CLIP1: variants seen among roughly 807,000 people sequenced by gnomAD.
The protein encoded by CLIP1 is CAP-Gly domain-containing linker protein 1.
In CLIP1, 66 loss-of-function variants were observed where a neutral mutation model predicts 161.6. The ratio of observed to expected loss-of-function variants is 0.41; its 90% CI spans 0.33 to 0.50. CLIP1 has a LOEUF of 0.50. CLIP1 is among the 20% of genes least tolerant of loss of function. The pLI is 0.27. For synonymous variants in CLIP1, 598 were observed against 626.2 expected (o/e 0.96, Z 0.67); for missense variants, 1,376 against 1,702.0 (o/e 0.81, Z 3.37).
chr12:122,389,648 AC>A (rs1463398286), intron 1 of CLIP1, among the ~76,000 whole-genome samples: 1 of 147,328 alleles, frequency 6.8e-6, no homozygotes. Context: ...AGGCCCAGCT[AC>A]TTAGGAGGCT....
In CLIP1 at chr12:122,422,646, C is replaced by T. The variant is rs1956998412; in HGVS notation, c.-232G>A. The stretch of plus-strand genomic sequence containing the variant: ...GGAGAGCGTGACGCGCCGCCGCCGC[C>T]GCGGGGCCGGGCGGGCGCGCGCTGC... On this transcript the variant is annotated 5_prime_UTR_variant, in exon 1 of 26. Coordinates refer to ENST00000620786, the MANE Select transcript of CLIP1 (RefSeq NM_001247997.2). 6.9e-6 allele frequency: 1 copy of T among 145,402 alleles called. No homozygotes were observed. The highest frequency in any genetic ancestry group is 1.5e-5 in the Non-Finnish European group (1 of 65,292). The allele number at this position is 145,402 out of a possible 1,614,324, so 9.0% of individuals were successfully genotyped here.
At chr12:122,320,346 C>T (rs1951444676) in intron 17 of CLIP1, among the ~76,000 whole-genome samples, 1 of 151,930 alleles carries the variant, frequency 6.6e-6, no homozygotes, top group Non-Finnish European at 1.5e-5. Context: ...CATGTGCCTA[C>T]AGTCCCAGCT....
chr12:122,290,276 A>G (rs1451890676), intron 20 of CLIP1, among the ~76,000 whole-genome samples: 1 of 152,160 alleles, frequency 6.6e-6, no homozygotes, highest in African/African-American at 2.4e-5. Context: ...ATGTTAACAT[A>G]GTTTTATAGA....
At chr12:122,290,856 T>TTC (rs1950218918) in intron 20 of CLIP1, among the ~76,000 whole-genome samples, 2 of 151,662 alleles carry the variant, frequency 1.3e-5, no homozygotes, top group African/African-American at 4.8e-5. Flanking sequence ...TATTTCTTTT[T>TTC]TCTTTTTTTT....
chr12:122,366,008 C>CA (rs968145995), intron 3 of CLIP1, among the ~76,000 whole-genome samples: 1 of 151,676 alleles, frequency 6.6e-6, no homozygotes, highest in Admixed American at 6.6e-5. Context: ...GACTCCACCT[C>CA]AAAAAAATAA....
intron 10 of CLIP1, among the ~76,000 whole-genome samples, chr12:122,346,075 C>T (rs1028464392): frequency 5.3e-5 from 8 of 152,194 alleles, no homozygotes; most frequent in South Asian, 2.1e-4. Flanking sequence ...CATGAGCCAC[C>T]GCGCCTGGCC....
At chr12:122,383,843 CA>C (rs60679618) in intron 1 of CLIP1, among the ~76,000 whole-genome samples, 4,324 of 137,894 alleles carry the variant, frequency 0.031, 216 homozygotes, top group African/African-American at 0.11. Flanking sequence ...ATGTGCAAAA[CA>C]AAAAAAAAAA....
At chr12:122,306,247 G>A (rs1950869988) in intron 20 of CLIP1, among the ~76,000 whole-genome samples, 1 of 151,892 alleles carries the variant, frequency 6.6e-6, no homozygotes, top group South Asian at 2.1e-4. Flanking sequence ...GTGATTGTGT[G>A]AGTTAACAGT....
chr12:122,381,076 A>C (rs1954990510), intron 1 of CLIP1, among the ~76,000 whole-genome samples: 1 of 152,102 alleles, frequency 6.6e-6, no homozygotes, highest in Non-Finnish European at 1.5e-5. Context: ...TAAGCAATTA[A>C]GACAAACAAA....
intron 1 of CLIP1, among the ~76,000 whole-genome samples, chr12:122,414,817 T>A (rs1956670782): frequency 6.6e-6 from 1 of 152,114 alleles, no homozygotes; most frequent in African/African-American, 2.4e-5. Context: ...AAGAGTGCAT[T>A]GTAACTCAAA....
At chr12:122,395,465 T>C (rs1379206211) in intron 1 of CLIP1, 1 of 152,342 alleles carries the variant, frequency 6.6e-6, no homozygotes, top group East Asian at 1.9e-4. Context: ...TTGAACAGCC[T>C]GGCTATGAGG....
intron 11 of CLIP1, among the ~76,000 whole-genome samples, chr12:122,340,307 T>C (rs1444934688): frequency 6.6e-6 from 1 of 152,202 alleles, no homozygotes; most frequent in Non-Finnish European, 1.5e-5. Context: ...CTCGAACTCC[T>C]GACCTCAGGT....
At position 122,303,325 on chromosome 12, in the gene CLIP1, G is replaced by T. The variant is rs557006758; in HGVS notation, c.3594+6437C>A. ...CGTTCTTTCTCTTTTCCCTCTTAGG[G>T]TGCAGAATGTGTACACTTCATCTTA... On this transcript the variant is annotated intron_variant, in intron 20 of 25. Coordinates refer to ENST00000620786, the MANE Select transcript of CLIP1 (RefSeq NM_001247997.2). Among the ~76,000 whole-genome samples the T allele has an allele frequency of 5.9e-5, 9 of 152,028 alleles. No homozygotes were observed. The South Asian group carries it at 1.7e-3, about 28-fold the overall frequency.
rs769592923 is a variant in CLIP1, at chr12:122,334,679, C to T, written c.2595G>A (p.Glu865=). ...TACTTCTCTGAACAGAGACTGCCTC[C>T]TCTGAAGCTTCAGCAAACTTTTCTT... The part of the protein sequence containing the change: ...ILKEKFAEAS[E]EAVSVQRSMQ... Residue 865 remains glutamate, a synonymous_variant, in exon 13 of 26, where the codon GAG becomes GAA. Coordinates refer to ENST00000620786, the MANE Select transcript of CLIP1 (RefSeq NM_001247997.2). 33 of 1,587,574 alleles carry T rather than the reference C, an allele frequency of 2.1e-5. No homozygotes were observed. The highest frequency in any genetic ancestry group is 1.5e-5 in the Non-Finnish European group (18 of 1,164,292).
At position 122,340,997 on chromosome 12, in the gene CLIP1, T is replaced by C. The variant is rs1185778912; in HGVS notation, c.2207A>G (p.Gln736Arg). 3.1e-6 allele frequency: 5 copies of C among 1,614,126 alleles called. No homozygotes were observed. The highest frequency in any genetic ancestry group is 3.3e-5 in the Admixed American group (2 of 60,006). Reference sequence around the variant, plus strand: ...CTCCTTTACCTTTATTTCAGCTTCCTGTAATTTGTTTAACGTGTCTTCCAT... The same window carrying C: ...CTCCTTTACCTTTATTTCAGCTTCCCGTAATTTGTTTAACGTGTCTTCCAT... ...VEMEDTLNKL[Q>R]EAEIKVKELE... Residue 736 changes from glutamine (Q) to arginine (R), a missense_variant, in exon 11 of 26, where the codon CAG becomes CGG. Coordinates refer to ENST00000620786, the MANE Select transcript of CLIP1 (RefSeq NM_001247997.2).
At chr12:122,380,103 C>T (rs529852302) in intron 2 of CLIP1, among the ~76,000 whole-genome samples, 10 of 148,862 alleles carry the variant, frequency 6.7e-5, no homozygotes, top group Admixed American at 3.4e-4. Flanking sequence ...ATTAGCTGAG[C>T]GTGGTAGTAT....
intron 1 of CLIP1, among the ~76,000 whole-genome samples, chr12:122,392,935 C>T (rs1955723497): frequency 6.6e-6 from 1 of 151,994 alleles, no homozygotes; most frequent in Non-Finnish European, 1.5e-5. Flanking sequence ...GCACACACCA[C>T]CACCCCCGGC....
At chr12:122,332,425 T>G (rs1952021322) in intron 15 of CLIP1, among the ~76,000 whole-genome samples, 1 of 152,216 alleles carries the variant, frequency 6.6e-6, no homozygotes, top group Non-Finnish European at 1.5e-5. Flanking sequence ...CTTTTCTTTT[T>G]TCTTATTTCT....
At chr12:122,330,805 G>GT (rs898192753) in intron 15 of CLIP1, among the ~76,000 whole-genome samples, 1 of 151,488 alleles carries the variant, frequency 6.6e-6, no homozygotes, top group African/African-American at 2.4e-5. Context: ...GTTTCACTAT[G>GT]TTGGCCAGGC....
Sources: allele counts gnomAD v4.1 joint callset (sites outside exome capture counted in the v4.1 genomes callset), GRCh38; gene constraint gnomAD v4.1.1; transcripts MANE v1.5; gene names NCBI Gene and HGNC (gene_info 2026-07-23, HGNC 2026-07-21).